DNAJC10: variants seen among roughly 807,000 people sequenced by gnomAD.
DNAJC10 encodes the protein DnaJ heat shock protein family (Hsp40) member C10.
In DNAJC10, 101 loss-of-function variants were observed where a neutral mutation model predicts 115.0. The observed-to-expected ratio is 0.88, with a 90% CI of 0.75 to 1.04. DNAJC10 has a LOEUF of 1.04. Ranked by LOEUF, DNAJC10 falls within the 50% of genes least tolerant of loss-of-function variation. The pLI is 0.00. For missense variants in DNAJC10, 981 were observed against 928.8 expected, an observed-to-expected ratio of 1.06 and a Z score of -0.73; for synonymous variants, 307 against 301.5, an observed-to-expected ratio of 1.02 and a Z score of -0.19.
chr2:182,759,556 CTT>C (rs1255128589), intron 21 of DNAJC10, among the ~76,000 whole-genome samples: 1 of 152,122 alleles, frequency 6.6e-6, no homozygotes, highest in Non-Finnish European at 1.5e-5. Context: ...AGAAACGTCT[CTT>C]TCTTCTCCCT....
In DNAJC10 at chr2:182,785,217, A is replaced by G. The variant is rs1043302651; in HGVS notation, c.*8085A>G. The G allele has an allele frequency of 6.6e-6, 1 of 152,200 alleles. No individual in the cohort carries two copies. The highest frequency in any genetic ancestry group is 2.4e-5 in the African/African-American group (1 of 41,456). 9.4% of individuals were successfully genotyped at this position (152,200 alleles called of 1,614,324 possible). On this transcript the variant is annotated 3_prime_UTR_variant, in exon 24 of 24. Coordinates refer to ENST00000264065, the MANE Select transcript of DNAJC10 (RefSeq NM_018981.4). ...ATTGGAGCTCAGCAGATTCCCATTC[A>G]TGAAGAATGGTGCCTGTGTAACAGT... is the stretch of plus-strand genomic sequence containing the variant.
chr2:182,730,910 A>G, intron 8 of DNAJC10, 120 bp from the exon 9 acceptor site: 1 of 612,070 alleles, frequency 1.6e-6, no homozygotes, highest in Middle Eastern at 4.5e-4. Context: ...GATAACTGGT[A>G]AAACTCAGAG....
rs1219850740 is a variant in DNAJC10, at chr2:182,759,194, CAGACTTTCAGTGAAAA to C, written c.2035_2050del (p.Thr679PhefsTer9). 3 of 1,607,036 alleles carry C rather than the reference CAGACTTTCAGTGAAAA, an allele frequency of 1.9e-6. No homozygotes were observed. The highest frequency in any genetic ancestry group is 2.5e-6 in the Non-Finnish European group (3 of 1,178,314). ...TCAAGTATCCACAGATCTAACACCT[CAGACTTTCAGTGAAAA>C]AGTTCTACAAGGGAAAAATCATTGG... On this transcript the variant is annotated frameshift_variant, in exon 21 of 24. Coordinates refer to ENST00000264065, the MANE Select transcript of DNAJC10 (RefSeq NM_018981.4). LOFTEE classifies it high-confidence loss of function.
At chr2:182,737,813 TG>T (rs1206676444) in intron 11 of DNAJC10, among the ~76,000 whole-genome samples, 4 of 152,234 alleles carry the variant, frequency 2.6e-5, no homozygotes, top group African/African-American at 7.2e-5. Context: ...TCAAGCCAAA[TG>T]CCCTGGAGTT....
At chr2:182,776,041 G>C (rs72625279) in intron 23 of DNAJC10, among the ~76,000 whole-genome samples, 1,781 of 152,046 alleles carry the variant, frequency 0.012, 82 homozygotes, top group East Asian at 0.092. Context: ...AAATTAGATT[G>C]TAATGACAGT....
At chr2:182,735,761 A>G (rs541727364) in intron 10 of DNAJC10, among the ~76,000 whole-genome samples, 14 of 152,254 alleles carry the variant, frequency 9.2e-5, no homozygotes, top group Admixed American at 2.6e-4. Context: ...GGAGCTCACT[A>G]AAGGATTAGC....
rs777718833 is a variant in DNAJC10 at position 182,757,689 on chromosome 2, C to G, written c.1810-3C>G. 1 of 1,507,256 alleles carries G rather than the reference C, an allele frequency of 6.6e-7. No individual in the cohort carries two copies. The highest frequency in any genetic ancestry group is 8.8e-7 in the Non-Finnish European group (1 of 1,130,174). The allele number at this position is 1,507,256 out of a possible 1,614,324, so 93.4% of individuals were successfully genotyped here. A position where few individuals can be genotyped will look rare whatever the true frequency, so the allele number is the denominator to read the frequency against. On this transcript the variant is annotated splice_polypyrimidine_tract_variant and splice_region_variant and intron_variant, in intron 18 of 23. Transcript: ENST00000264065. Reference sequence around the variant, plus strand: ...TGGAGGTAATCTGTTTTTTCTTTTACAGACATTAACTGGACTGATCAACGT... The same window carrying G: ...TGGAGGTAATCTGTTTTTTCTTTTAGAGACATTAACTGGACTGATCAACGT...
intron 21 of DNAJC10, among the ~76,000 whole-genome samples, chr2:182,759,670 T>A (rs2105684104): frequency 6.6e-6 from 1 of 152,256 alleles, no homozygotes; most frequent in South Asian, 2.1e-4. Flanking sequence ...ATGTCATTTC[T>A]TATTCATCTC....
intron 5 of DNAJC10, among the ~76,000 whole-genome samples, chr2:182,723,103 G>A (rs533550017): frequency 2.2e-3 from 281 of 129,794 alleles, no homozygotes; most frequent in African/African-American, 8.1e-3. Context: ...GCAGTGGCAC[G>A]ATCTTGGCTC....
At chr2:182,766,572 G>A (rs958807362) in intron 22 of DNAJC10, among the ~76,000 whole-genome samples, 1 of 152,148 alleles carries the variant, frequency 6.6e-6, no homozygotes, top group African/African-American at 2.4e-5. Context: ...TACCCACAGA[G>A]GCCTGGGGCA....
chr2:182,770,994 T>C (rs1694545926), intron 22 of DNAJC10, among the ~76,000 whole-genome samples: 1 of 152,190 alleles, frequency 6.6e-6, no homozygotes, highest in Non-Finnish European at 1.5e-5. Flanking sequence ...CAGTACCTAG[T>C]TTATTGAGTT....
intron 22 of DNAJC10, among the ~76,000 whole-genome samples, chr2:182,767,719 T>A (rs1694451020): frequency 6.6e-6 from 1 of 152,080 alleles, no homozygotes; most frequent in Non-Finnish European, 1.5e-5. Flanking sequence ...GCATCATCCG[T>A]CCACCAAGTA....
At chr2:182,742,040 A>T (rs963158806) in intron 13 of DNAJC10, among the ~76,000 whole-genome samples, 1 of 152,134 alleles carries the variant, frequency 6.6e-6, no homozygotes, top group Non-Finnish European at 1.5e-5. Context: ...GTACACATGT[A>T]TATCCTCCTT....
At chr2:182,737,281 G>C (rs11892516) in intron 11 of DNAJC10, among the ~76,000 whole-genome samples, 1 of 152,076 alleles carries the variant, frequency 6.6e-6, no homozygotes, top group African/African-American at 2.4e-5. Context: ...CCAAAAGAAA[G>C]TAAGGACTGT....
intron 10 of DNAJC10, among the ~76,000 whole-genome samples, chr2:182,734,217 A>C (rs916168534): frequency 6.0e-5 from 9 of 150,962 alleles, no homozygotes; most frequent in Admixed American, 5.3e-4. Context: ...TTTCCTTTCT[A>C]ATATATGAAT....
intron 22 of DNAJC10, among the ~76,000 whole-genome samples, chr2:182,767,920 C>T (rs1216354763): frequency 2.6e-5 from 4 of 152,118 alleles, no homozygotes; most frequent in Admixed American, 6.6e-5. Context: ...TTCTCATGCA[C>T]AAATAACATA....
chr2:182,777,899 G>A lies in DNAJC10; in HGVS notation c.*767G>A, dbSNP rs988804641. On this transcript the variant is annotated 3_prime_UTR_variant, in exon 24 of 24. Transcript: ENST00000264065. The stretch of plus-strand genomic sequence containing the variant: ...AGTAAGTGCACAAATTCTGTAGTTT[G>A]CCGTATCATCCAGGAAAACCTGAGG... 1 of 152,260 alleles carries A rather than the reference G, an allele frequency of 6.6e-6. No individual in the cohort carries two copies. Among genetic ancestry groups the A allele is most frequent in the South Asian group, 2.1e-4 (1 of 4,824 alleles). The allele number at this position is 152,260 out of a possible 1,614,324, so 9.4% of individuals were successfully genotyped here. A position where few individuals can be genotyped will look rare whatever the true frequency, so the allele number is the denominator to read the frequency against.
At chr2:182,753,376 A>G (rs1358639061) in intron 16 of DNAJC10, among the ~76,000 whole-genome samples, 3 of 152,122 alleles carry the variant, frequency 2.0e-5, no homozygotes, top group Non-Finnish European at 4.4e-5. Flanking sequence ...AAAGCCATAC[A>G]TTTTTAGAAC....
rs933544291 is a variant in DNAJC10, at chr2:182,791,115, A to T, written c.*13983A>T. 6 of 152,208 alleles carry T rather than the reference A, an allele frequency of 3.9e-5. No individual in the cohort carries two copies. The highest frequency in any genetic ancestry group is 1.4e-4 in the African/African-American group (6 of 41,454). 9.4% of individuals were successfully genotyped at this position (152,208 alleles called of 1,614,324 possible). A position where few individuals can be genotyped will look rare whatever the true frequency, so the allele number is the denominator to read the frequency against. ...ATACCCCCACAGAGATCGACCCTGC[A>T]TGAAATGTGTTCCCTCAGAAGTAGG... On this transcript the variant is annotated 3_prime_UTR_variant, in exon 24 of 24. Transcript: ENST00000264065.
Sources: allele counts gnomAD v4.1 joint callset (sites outside exome capture counted in the v4.1 genomes callset), GRCh38; gene constraint gnomAD v4.1.1; transcripts MANE v1.5; gene names NCBI Gene and HGNC (gene_info 2026-07-23, HGNC 2026-07-21).